Variants in PCDHGB3 observed in about 807,000 individuals in gnomAD.
PCDHGB3 encodes protocadherin gamma subfamily B, 3.
In PCDHGB3, 40 loss-of-function variants were observed where a neutral mutation model predicts 59.2. That is an observed-to-expected ratio of 0.68 (90% CI 0.52 to 0.88). The LOEUF is 0.88. Among genes scored for constraint, PCDHGB3 ranks in the 40% least tolerant of loss-of-function variants. The pLI is 0.00. For missense variants in PCDHGB3, 1,309 were observed against 1,187.9 expected (o/e 1.10, Z -1.50); for synonymous variants, 581 against 503.6 (o/e 1.15, Z -2.06).
At chr5:141,481,524 A>G (rs186970700) in intron 1 of PCDHGB3, among the ~76,000 whole-genome samples, 4 of 152,240 alleles carry the variant, frequency 2.6e-5, no homozygotes, top group African/African-American at 9.6e-5. Flanking sequence ...CTCAGTAAAA[A>G]TCTAGAGATG....
chr5:141,447,301 G>A (rs557269538), intron 1 of PCDHGB3, among the ~76,000 whole-genome samples: 39 of 152,060 alleles, frequency 2.6e-4, no homozygotes, highest in Non-Finnish European at 1.5e-4. Flanking sequence ...CACCACACCC[G>A]GCTAATTTTT....
intron 1 of PCDHGB3, among the ~76,000 whole-genome samples, chr5:141,471,107 G>T (rs1023848236): frequency 1.3e-5 from 2 of 148,554 alleles, no homozygotes; most frequent in East Asian, 2.0e-4. Context: ...AGAGTGCAGT[G>T]GTGCGATCTT....
intron 1 of PCDHGB3, chr5:141,404,338 G>A (rs752211796): frequency 1.9e-5 from 30 of 1,613,686 alleles, no homozygotes; most frequent in Non-Finnish European, 2.4e-5. Flanking sequence ...TCTACCTCCC[G>A]GAAAACAACG....
intron 1 of PCDHGB3, among the ~76,000 whole-genome samples, 184 bp from the exon 2 acceptor site, chr5:141,494,623 C>A (rs2099755716): frequency 6.6e-6 from 1 of 152,146 alleles, no homozygotes; most frequent in Non-Finnish European, 1.5e-5. Flanking sequence ...GTTTCTGGTA[C>A]CTCAGACCTC....
At chr5:141,389,313 C>A (rs1279349887) in intron 1 of PCDHGB3, 2 of 1,614,024 alleles carry the variant, frequency 1.2e-6, no homozygotes, top group Admixed American at 3.3e-5. Context: ...GGCTTCTGAT[C>A]CGGACTTGGG....
intron 1 of PCDHGB3, among the ~76,000 whole-genome samples, chr5:141,450,223 G>A (rs1458841129): frequency 2.0e-5 from 3 of 151,818 alleles, no homozygotes; most frequent in Non-Finnish European, 4.4e-5. Context: ...TCACTATGTT[G>A]GCCAGGCTAG....
chr5:141,405,568 T>C, intron 1 of PCDHGB3: 1 of 606,666 alleles, frequency 1.6e-6, no homozygotes, highest in South Asian at 2.1e-5. Context: ...GGGACTAGAG[T>C]AGAGTAGCTG....
At chr5:141,398,486 A>G (rs892086829) in intron 1 of PCDHGB3, 17 of 1,608,942 alleles carry the variant, frequency 1.1e-5, no homozygotes, top group Non-Finnish European at 1.4e-5. Flanking sequence ...TATCACGTGA[A>G]TGTGGAGATC....
chr5:141,402,918 A>C (rs766546022), intron 1 of PCDHGB3: 55 of 1,569,938 alleles, frequency 3.5e-5, no homozygotes, highest in Non-Finnish European at 4.7e-5. Flanking sequence ...GCGCGCACAG[A>C]GATCCTTTTG....
chr5:141,403,612 GC>G, intron 1 of PCDHGB3: 1 of 1,613,854 alleles, frequency 6.2e-7, no homozygotes, highest in Non-Finnish European at 8.5e-7. Flanking sequence ...GCGGCGAGCC[GC>G]GTCGCTCCAG....
intron 1 of PCDHGB3, chr5:141,399,389 C>G: frequency 1.2e-6 from 2 of 1,614,024 alleles, no homozygotes; most frequent in East Asian, 2.2e-5. Flanking sequence ...ATCACAGCCA[C>G]AGACAGGGGC....
At chr5:141,403,054 A>C in intron 1 of PCDHGB3, 1 of 1,614,062 alleles carries the variant, frequency 6.2e-7, no homozygotes, top group Middle Eastern at 1.6e-4. Flanking sequence ...TTCGCTACTC[A>C]GTGCCTGAAG....
intron 1 of PCDHGB3, among the ~76,000 whole-genome samples, chr5:141,481,049 C>A (rs1165894624): frequency 1.3e-5 from 2 of 152,096 alleles, no homozygotes; most frequent in Non-Finnish European, 2.9e-5. Context: ...CAGAGCGAGA[C>A]TCCACCTCAA....
chr5:141,371,081 G>T lies in PCDHGB3; in HGVS notation c.687G>T (p.Arg229Ser). 11 of 1,613,852 alleles carry T rather than the reference G, an allele frequency of 6.8e-6. No homozygotes were observed. Among genetic ancestry groups the T allele is most frequent in the Non-Finnish European group, 9.3e-6 (11 of 1,179,798 alleles). The stretch of plus-strand genomic sequence containing the variant: ...CCAGAAGCTGTACCACCCAGATCAG[G>T]GTAATTGTCGCAGATGCAAATGATA... ...EPSRSCTTQI[R>S]VIVADANDNP... Residue 229 changes from arginine (R) to serine (S), a missense_variant, in exon 1 of 4, where the codon AGG becomes AGT. Transcript: ENST00000576222.
At chr5:141,435,112 T>A (rs906494104) in intron 1 of PCDHGB3, among the ~76,000 whole-genome samples, 1 of 152,102 alleles carries the variant, frequency 6.6e-6, no homozygotes, top group Non-Finnish European at 1.5e-5. Context: ...GGGGGAGAAA[T>A]CTAATTCAAT....
chr5:141,383,943 T>C (rs1229813206), intron 1 of PCDHGB3: 1 of 1,613,674 alleles, frequency 6.2e-7, no homozygotes, highest in Admixed American at 1.7e-5. Flanking sequence ...CAGAAGTGAC[T>C]ATGACGTCTT....
In PCDHGB3 at chr5:141,485,079, A is replaced by C; in HGVS notation, c.2416-9728A>C. ...AACCGCGCCAGAGCTGGCGCGGGGA[A>C]AGGGAGATAGGTGTCTCCAGCTGCT... is the stretch of plus-strand genomic sequence containing the variant. On this transcript the variant is annotated intron_variant, in intron 1 of 3. Transcript: ENST00000576222. This position sits in a 1 kb window ranked among gnomAD's most constrained non-coding sequence, Gnocchi z 5.7. 1 of 949,456 alleles carries C rather than the reference A, an allele frequency of 1.1e-6. No individual in the cohort carries two copies. The highest frequency in any genetic ancestry group is 1.6e-6 in the Non-Finnish European group (1 of 614,758). 58.8% of individuals were successfully genotyped at this position (949,456 alleles called of 1,614,324 possible).
At chr5:141,445,269 C>A (rs535300313) in intron 1 of PCDHGB3, among the ~76,000 whole-genome samples, 1 of 152,260 alleles carries the variant, frequency 6.6e-6, no homozygotes, top group Non-Finnish European at 1.5e-5. Flanking sequence ...AAGTCGAAAC[C>A]ACTCTGCATA....
chr5:141,375,333 T>C, intron 1 of PCDHGB3: 1 of 1,613,828 alleles, frequency 6.2e-7, no homozygotes, highest in East Asian at 2.2e-5. Flanking sequence ...GAGGTATTCT[T>C]GTACAACATC....
Sources: gnomAD v4.1 joint callset for allele counts (sites outside exome capture counted in the v4.1 genomes callset) on GRCh38, gnomAD v4.1.1 for gene constraint, Gnocchi (gnomAD v3.1) non-coding constraint, MANE v1.5 for transcripts, NCBI Gene and HGNC (gene_info 2026-07-23, HGNC 2026-07-21) for gene names.